Variants in CHEK1 observed in about 807,000 individuals in gnomAD.
CHEK1 encodes the protein serine/threonine-protein kinase Chk1.
In CHEK1, 32 loss-of-function variants were observed where a neutral mutation model predicts 60.2. That is an observed-to-expected ratio of 0.53 (90% CI 0.40 to 0.71). The LOEUF is 0.71. Among genes scored for constraint, CHEK1 ranks in the 30% least tolerant of loss-of-function variants. The probability of loss-of-function intolerance (pLI) is 0.00; values close to 1 mark genes in which losing one functional copy is unlikely to be tolerated. For synonymous variants in CHEK1, 179 were observed against 187.2 expected, an observed-to-expected ratio of 0.96 and a Z score of 0.36; for missense variants, 399 against 564.6, an observed-to-expected ratio of 0.71 and a Z score of 2.97.
downstream of CHEK1, among the ~76,000 whole-genome samples, chr11:125,658,685 C>CTTTT (rs67342073): frequency 2.9e-5 from 1 of 34,880 alleles, no homozygotes; most frequent in Non-Finnish European, 4.9e-5. Flanking sequence ...ATGGCTTTTG[C>CTTTT]TTTTTTTTTT....
chr11:125,676,743 TC>T (rs1360228296), downstream of CHEK1, among the ~76,000 whole-genome samples: 3 of 152,190 alleles, frequency 2.0e-5, no homozygotes, highest in East Asian at 5.8e-4. Context: ...TGCATTGACT[TC>T]CTGGGCATTT....
chr11:125,629,782 A>G (rs918911566), intron 5 of CHEK1, among the ~76,000 whole-genome samples: 5 of 151,290 alleles, frequency 3.3e-5, no homozygotes, highest in African/African-American at 1.2e-4. Context: ...GGTGCACTGT[A>G]TTATCACAGT....
chr11:125,678,976 T>TA (rs1565397413), downstream of CHEK1, among the ~76,000 whole-genome samples: 359 of 18,432 alleles, frequency 0.019, 4 homozygotes, highest in African/African-American at 0.081. Context: ...AGTCTAGGCA[T>TA]ATTATATATA....
chr11:125,639,502 G>T (rs184170458), intron 8 of CHEK1, among the ~76,000 whole-genome samples: 2 of 144,846 alleles, frequency 1.4e-5, no homozygotes, highest in Non-Finnish European at 3.0e-5. Flanking sequence ...TTAGCCACCC[G>T]AGTAGCTGGG....
At chr11:125,645,503 T>C (rs768041696) in intron 11 of CHEK1, among the ~76,000 whole-genome samples, 1 of 152,206 alleles carries the variant, frequency 6.6e-6, no homozygotes, top group Non-Finnish European at 1.5e-5. Context: ...GCAAGTGCAA[T>C]GCATGATCTT....
At chr11:125,635,647 C>G (rs1331132244) in intron 7 of CHEK1, 114 bp downstream of exon 7, 1 of 623,630 alleles carries the variant, frequency 1.6e-6, no homozygotes, top group Non-Finnish European at 2.7e-6. Flanking sequence ...AATTCATGTT[C>G]GTTGTAGATA....
intron 13 of CHEK1, among the ~76,000 whole-genome samples, chr11:125,669,472 T>C (rs1482069409): frequency 6.6e-6 from 1 of 152,040 alleles, no homozygotes; most frequent in South Asian, 2.1e-4. Context: ...TGAATTTCAG[T>C]AATTTGCTTA....
At position 125,637,431 on chromosome 11, in the gene CHEK1, C is replaced by T. The variant is rs780801264; in HGVS notation, c.719-18C>T. The T allele has an allele frequency of 1.1e-5, 18 of 1,587,282 alleles. No individual in the cohort carries two copies. The highest frequency in any genetic ancestry group is 7.0e-5 in the Admixed American group (4 of 57,294). The stretch of plus-strand genomic sequence containing the variant: ...AACATGATTCTTTCGTGAATGTTGT[C>T]GTAATGTTTGTTTTTAGCTCTGCTG... On this transcript the variant is annotated intron_variant, in intron 7 of 12. Transcript: ENST00000438015.
chr11:125,643,937 G>T, intron 9 of CHEK1, 37 bp downstream of exon 9: 1 of 1,564,014 alleles, frequency 6.4e-7, no homozygotes, highest in Non-Finnish European at 8.8e-7. Flanking sequence ...TTTGATTGTA[G>T]TATTCCCCAT....
intron 5 of CHEK1, among the ~76,000 whole-genome samples, chr11:125,629,916 G>A (rs902814863): frequency 6.6e-6 from 1 of 151,854 alleles, no homozygotes; most frequent in Non-Finnish European, 1.5e-5. Context: ...AAGAGGTGGA[G>A]TCTTCCTGTG....
downstream of CHEK1, among the ~76,000 whole-genome samples, chr11:125,678,989 T>C (rs1163520680): frequency 1.4e-5 from 2 of 139,884 alleles, no homozygotes; most frequent in Admixed American, 1.4e-4. Flanking sequence ...TATATATATA[T>C]ATATATATAG....
intron 13 of CHEK1, among the ~76,000 whole-genome samples, chr11:125,668,905 A>G (rs1010129449): frequency 6.6e-6 from 1 of 152,080 alleles, no homozygotes; most frequent in Non-Finnish European, 1.5e-5. Flanking sequence ...TATTTTTTAA[A>G]TTCTTTTTTC....
rs192347610 is a variant in CHEK1 at position 125,632,768 on chromosome 11, G to A, written c.425-395G>A. ...GGGTTTGTTTGCTGCTGAGAAAGTT[G>A]TGCCTAACATACTACTGATGTTTCC... On this transcript the variant is annotated intron_variant, in intron 5 of 12. Coordinates refer to ENST00000438015, the MANE Select transcript of CHEK1 (RefSeq NM_001114122.3). Among the ~76,000 whole-genome samples, 54 of 152,188 alleles carry A rather than the reference G, an allele frequency of 3.5e-4. No individual in the cohort carries two copies. In the East Asian group the frequency reaches 9.5e-3, roughly 27 times the overall value.
chr11:125,640,280 G>C (rs932001390), intron 8 of CHEK1, among the ~76,000 whole-genome samples: 1 of 152,130 alleles, frequency 6.6e-6, no homozygotes, highest in African/African-American at 2.4e-5. Context: ...GGTGGCTCAC[G>C]CCTGTAATCC....
downstream of CHEK1, among the ~76,000 whole-genome samples, chr11:125,659,257 G>A (rs1423097894): frequency 1.3e-5 from 2 of 151,680 alleles, no homozygotes; most frequent in Non-Finnish European, 1.5e-5. Context: ...GTTGCTTTTA[G>A]TCTGTAAGTT....
chr11:125,643,558 A>C (rs1941385101), intron 8 of CHEK1: 1 of 452,980 alleles, frequency 2.2e-6, no homozygotes, highest in African/African-American at 2.0e-5. Context: ...TCTACAGATC[A>C]TACTTAGGTA....
At chr11:125,648,111 C>T (rs377654390) in intron 11 of CHEK1, among the ~76,000 whole-genome samples, 1 of 146,374 alleles carries the variant, frequency 6.8e-6, no homozygotes, top group Non-Finnish European at 1.5e-5. Context: ...CCTGTTTATT[C>T]TTTTTTTTTT....
intron 1 of CHEK1, 79 bp downstream of exon 1, chr11:125,626,091 G>A: frequency 1.5e-6 from 1 of 656,568 alleles, no homozygotes; most frequent in Non-Finnish European, 2.8e-6. Context: ...GGAGGGCATG[G>A]TGGGAGAAAG....
chr11:125,662,298 G>A (rs1261654820), intron 13 of CHEK1, among the ~76,000 whole-genome samples: 2 of 149,110 alleles, frequency 1.3e-5, no homozygotes, highest in African/African-American at 2.5e-5. Context: ...CATAGTGGAA[G>A]GGGCAAAGCA....
Sources: allele counts gnomAD v4.1 joint callset (sites outside exome capture counted in the v4.1 genomes callset), GRCh38; gene constraint gnomAD v4.1.1; transcripts MANE v1.5; gene names NCBI Gene and HGNC (gene_info 2026-07-23, HGNC 2026-07-21).